The following TMEM25 variants were observed in gnomAD, a reference collection of about 807,000 sequenced individuals.
TMEM25 encodes transmembrane protein 25.
In TMEM25, 36 loss-of-function variants were observed where a neutral mutation model predicts 37.0. The observed-to-expected ratio is 0.97, with a 90% CI of 0.75 to 1.28. The LOEUF (loss-of-function observed/expected upper bound fraction) is 1.28, where lower values mean the gene tolerates loss of function less well. TMEM25 is among the 50% of genes most tolerant of loss of function. The pLI is 0.00. For missense variants in TMEM25, 444 were observed against 477.9 expected (o/e 0.93, Z 0.66); for synonymous variants, 197 against 203.7 (o/e 0.97, Z 0.28).
exon 9 of TMEM25, chr11:118,546,357 G>A (rs1395378704): frequency 3.6e-6 from 2 of 558,830 alleles, no homozygotes; most frequent in African/African-American, 3.8e-5. Flanking sequence ...CGGGTGTGGT[G>A]TTGAGTATCT....
rs781911450 is a variant in TMEM25, at chr11:118,534,369, G to A, written c.1027+14G>A. 1 of 1,613,358 alleles carries A rather than the reference G, an allele frequency of 6.2e-7. No individual in the cohort carries two copies. The highest frequency in any genetic ancestry group is 2.2e-5 in the East Asian group (1 of 44,850). On this transcript the variant is annotated intron_variant, in intron 8 of 8. Transcript: ENST00000313236. The surrounding 1 kb of genome is among the most constrained non-coding windows in gnomAD (Gnocchi z 4.6). ...TCACCAGCCAAGGTACTGGGGAAGG[G>A]GCCTGCCACCCTCCTCCTCTGCCCC... is the stretch of plus-strand genomic sequence containing the variant.
chr11:118,534,845 C>G lies in TMEM25; in HGVS notation c.*265C>G. On this transcript the variant is annotated 3_prime_UTR_variant, in exon 9 of 9. Transcript: ENST00000313236. The surrounding 1 kb of genome is among the most constrained non-coding windows in gnomAD (Gnocchi z 4.6). ...TCAGGGTGGGCCCTGCATGTGATGA[C>G]TGGGCCCTTCCAGAGGGAGCTCTTT... 6 of 1,335,208 alleles carry G rather than the reference C, an allele frequency of 4.5e-6. No individual in the cohort carries two copies. Among genetic ancestry groups the G allele is most frequent in the Non-Finnish European group, 4.8e-6 (5 of 1,038,702 alleles). 82.7% of individuals were successfully genotyped at this position (1,335,208 alleles called of 1,614,324 possible). A position where few individuals can be genotyped will look rare whatever the true frequency, so the allele number is the denominator to read the frequency against.
At chr11:118,545,969 T>G in intron 8 of TMEM25, 1 of 843,242 alleles carries the variant, frequency 1.2e-6, no homozygotes, top group Non-Finnish European at 2.0e-6. Flanking sequence ...TGGGCTGAAA[T>G]GTGTTCCCCT....
In TMEM25 at chr11:118,532,274, G is replaced by C. The variant is rs782689375; in HGVS notation, c.195G>C (p.Trp65Cys). Residue 65 changes from tryptophan to cysteine, a missense_variant, in exon 3 of 9, where the codon TGG (tryptophan) becomes TGC (cysteine). Transcript: ENST00000313236. Reference sequence around the variant, plus strand: ...GGCCTGGCACCCCCAGATTGGCCTGGTATCTGGATGGACAGCTGCAGGAGG... The same window carrying C: ...GGCCTGGCACCCCCAGATTGGCCTGCTATCTGGATGGACAGCTGCAGGAGG... ...AGGPGTPRLA[W>C]YLDGQLQEAS... is the part of the protein sequence containing the mutation. 1.2e-6 allele frequency: 2 copies of C among 1,614,036 alleles called. No homozygotes were observed. The highest frequency in any genetic ancestry group is 4.5e-5 in the East Asian group (2 of 44,894).
chr11:118,540,698 G>T (rs1282762452), downstream of TMEM25, among the ~76,000 whole-genome samples: 5 of 152,192 alleles, frequency 3.3e-5, no homozygotes, highest in Non-Finnish European at 5.9e-5. Context: ...CCTTTGTCGG[G>T]TGACAGACCC....
intron 8 of TMEM25, chr11:118,545,749 T>C (rs894785314): frequency 6.3e-7 from 1 of 1,581,912 alleles, no homozygotes; most frequent in Non-Finnish European, 8.7e-7. Context: ...GCCTAGAGTG[T>C]CTCTATCCAG....
Position 118,533,115 on chromosome 11 carries a change from C to A in TMEM25, c.581C>A (p.Thr194Lys), listed in dbSNP as rs1000109082. 4 of 1,613,256 alleles carry A rather than the reference C, an allele frequency of 2.5e-6. No homozygotes were observed. Among genetic ancestry groups the A allele is most frequent in the Non-Finnish European group, 2.5e-6 (3 of 1,180,008 alleles). The change falls in exon 4 of 9, where the codon ACG becomes AAG. Residue 194 changes from threonine (T) to lysine (K), a missense_variant. Thr to Lys is a moderately conservative substitution (Grantham distance 78, BLOSUM62 -1). Coordinates refer to ENST00000313236, the MANE Select transcript of TMEM25 (RefSeq NM_032780.4). ...AACTACCCCTGGCTCACCAACCACA[C>A]GGTGCAGCTGCAGCTCCGCAGCCTG... ...AQNYPWLTNHTVQLQLRSLAH... is the reference protein window; with the variant it reads ...AQNYPWLTNHKVQLQLRSLAH...
chr11:118,531,297 C>G (rs1178339647), intron 1 of TMEM25, 63 bp downstream of exon 1: 7 of 343,794 alleles, frequency 2.0e-5, no homozygotes, highest in Non-Finnish European at 3.8e-5. Context: ...CTCCGACCCT[C>G]TCCTCTTCCG....
At chr11:118,545,413 G>A (rs45508996) in intron 8 of TMEM25, 27 of 1,608,374 alleles carry the variant, frequency 1.7e-5, no homozygotes, top group Admixed American at 5.0e-5. Flanking sequence ...GCTCACCTGT[G>A]AGTTCTTGAA....
At chr11:118,539,373 G>A (rs1951549529), downstream of TMEM25, among the ~76,000 whole-genome samples, 1 of 151,858 alleles carries the variant, frequency 6.6e-6, no homozygotes, top group Non-Finnish European at 1.5e-5. Flanking sequence ...TCACCATGTT[G>A]GCCAGGGTGG....
downstream of TMEM25, chr11:118,547,269 G>T (rs1951708439): frequency 2.6e-5 from 4 of 152,216 alleles, no homozygotes; most frequent in South Asian, 8.3e-4. Flanking sequence ...AGTAAATAAA[G>T]TCTATGGTAT....
chr11:118,534,927 C>T lies in TMEM25; in HGVS notation c.*347C>T. 8.5e-7 allele frequency: 1 copy of T among 1,175,932 alleles called. No homozygotes were observed. The highest frequency in any genetic ancestry group is 2.1e-5 in the South Asian group (1 of 47,776). 72.8% of individuals were successfully genotyped at this position (1,175,932 alleles called of 1,614,324 possible). A position where few individuals can be genotyped will look rare whatever the true frequency, so the allele number is the denominator to read the frequency against. On this transcript the variant is annotated 3_prime_UTR_variant, in exon 9 of 9. Transcript: ENST00000313236. The surrounding 1 kb of genome is among the most constrained non-coding windows in gnomAD (Gnocchi z 4.6). ...CAAGTGTGGCATGGCCTGCTGTATA[C>T]CCCACCCCAGTACTCCACAGCACCT...
chr11:118,532,965 G>A lies in TMEM25; in HGVS notation c.431G>A (p.Gly144Asp). ...QVGAKYQEAQ[G>D]PGLLVVLFAL... ...GGCGCCAAGTACCAGGAAGCTCAGG[G>A]CCCAGGCCTCCTGGTTGTCCTGTTT... Residue 144 changes from glycine (G) to aspartate (D), a missense_variant, in exon 4 of 9, where the codon GGC becomes GAC. Gly to Asp is a moderately conservative substitution (Grantham distance 94). Coordinates refer to ENST00000313236, the MANE Select transcript of TMEM25 (RefSeq NM_032780.4). The A allele has an allele frequency of 6.2e-7, 1 of 1,614,224 alleles. No individual in the cohort carries two copies.
chr11:118,534,657 G>C lies in TMEM25; in HGVS notation c.*77G>C, dbSNP rs1555062274. 12 of 1,578,444 alleles carry C rather than the reference G, an allele frequency of 7.6e-6. No homozygotes were observed. Among genetic ancestry groups the C allele is most frequent in the Non-Finnish European group, 9.5e-6 (11 of 1,159,640 alleles). On this transcript the variant is annotated 3_prime_UTR_variant, in exon 9 of 9. Coordinates refer to ENST00000313236, the MANE Select transcript of TMEM25 (RefSeq NM_032780.4). This position sits in a 1 kb window ranked among gnomAD's most constrained non-coding sequence, Gnocchi z 4.6. Reference sequence around the variant, plus strand: ...CTCCAAGGCATCCTCTACCTAGCTAGGTCACCAACGTGAAGAAGTTATGCC... The same window carrying C: ...CTCCAAGGCATCCTCTACCTAGCTACGTCACCAACGTGAAGAAGTTATGCC...
At chr11:118,543,809 CTT>C (rs35217372) in intron 8 of TMEM25, among the ~76,000 whole-genome samples, 1,852 of 133,118 alleles carry the variant, frequency 0.014, 48 homozygotes, top group African/African-American at 0.048. Context: ...TAAACACCCC[CTT>C]TTTTTTTTTT....
chr11:118,531,959 T>C (rs1951296245), intron 2 of TMEM25, 88 bp downstream of exon 2: 1 of 1,481,578 alleles, frequency 6.7e-7, no homozygotes, highest in East Asian at 2.5e-5. Context: ...GGGTACCCAC[T>C]CCAGGCCCCA....
chr11:118,536,799 AT>A (rs1188182727), downstream of TMEM25, among the ~76,000 whole-genome samples: 6 of 151,380 alleles, frequency 4.0e-5, no homozygotes, highest in Non-Finnish European at 7.4e-5. Flanking sequence ...CTGGGATGTG[AT>A]TTTTTTTTGT....
chr11:118,541,256 A>G (rs782347129), intron 8 of TMEM25, among the ~76,000 whole-genome samples: 6 of 151,978 alleles, frequency 3.9e-5, no homozygotes, highest in Non-Finnish European at 7.4e-5. Flanking sequence ...AGGTCAAGAG[A>G]TCGAGACCAT....
At chr11:118,545,846 AGGCTTACCTGGAAGG>A in intron 8 of TMEM25, 2 of 1,614,186 alleles carry the variant, frequency 1.2e-6, no homozygotes, top group African/African-American at 2.7e-5. Context: ...TGCCGTGGGC[AGGCTTACCTGGAAGG>A]GGCATGGAAG....
Sources: allele counts gnomAD v4.1 joint callset (sites outside exome capture counted in the v4.1 genomes callset), GRCh38; gene constraint gnomAD v4.1.1; non-coding constraint Gnocchi (gnomAD v3.1); transcripts MANE v1.5; gene names NCBI Gene and HGNC (gene_info 2026-07-23, HGNC 2026-07-21).